The following MCPH1 variants were observed in gnomAD, a reference collection of about 807,000 sequenced individuals.
MCPH1 encodes the protein microcephalin.
A neutral mutation model predicts 84.5 loss-of-function variants in MCPH1; 104 were observed. The observed-to-expected ratio is 1.23, with a 90% CI of 1.05 to 1.45. The LOEUF is 1.45. MCPH1 is among the 40% of genes most tolerant of loss of function. MCPH1 has a pLI of 0.00. For missense variants in MCPH1, 1,498 were observed against 1,005.7 expected (o/e 1.49, Z -6.62); for synonymous variants, 514 against 366.8 (o/e 1.40, Z -4.58).
intron 12 of MCPH1, among the ~76,000 whole-genome samples, chr8:6,519,384 G>A (rs1026858938): frequency 6.6e-6 from 1 of 152,146 alleles, no homozygotes; most frequent in Non-Finnish European, 1.5e-5. Context: ...GTAGCTAACT[G>A]TACAAGTCAC....
chr8:6,520,510 C>G (rs550377859), intron 12 of MCPH1, among the ~76,000 whole-genome samples: 1 of 152,262 alleles, frequency 6.6e-6, no homozygotes, highest in South Asian at 2.1e-4. Flanking sequence ...ATTCTCCTAC[C>G]TCAGCCTCCC....
At position 6,442,131 on chromosome 8, in the gene MCPH1, C is replaced by T. The variant is rs1803607314; in HGVS notation, c.645C>T (p.Asn215=). 2.5e-6 allele frequency: 4 copies of T among 1,611,516 alleles called. No homozygotes were observed. The highest frequency in any genetic ancestry group is 2.7e-5 in the African/African-American group (2 of 74,858). The change falls in exon 7 of 14, where the codon AAC becomes AAT. Residue 215 remains asparagine, a synonymous_variant. Transcript: ENST00000344683. The part of the protein sequence containing the change: ...PSNSLCEAPL[N]ISRDTLCSDE... Reference sequence around the variant, plus strand: ...ACTCTCTGTGTGAAGCACCTTTGAACATTTCACGTGATACTTTGTGTTCAG... The same window carrying T: ...ACTCTCTGTGTGAAGCACCTTTGAATATTTCACGTGATACTTTGTGTTCAG...
chr8:6,505,186 A>G (rs929021651), intron 12 of MCPH1, among the ~76,000 whole-genome samples: 17 of 143,292 alleles, frequency 1.2e-4, no homozygotes, highest in African/African-American at 3.8e-4. Flanking sequence ...ATATATATAT[A>G]TATATTCTTA....
At chr8:6,467,055 C>T (rs1807068659) in intron 9 of MCPH1, among the ~76,000 whole-genome samples, 1 of 152,012 alleles carries the variant, frequency 6.6e-6, no homozygotes, top group African/African-American at 2.4e-5. Context: ...GGGTTAAATA[C>T]AATGACAAAA....
At chr8:6,437,476 G>A (rs561803915) in intron 5 of MCPH1, among the ~76,000 whole-genome samples, 2 of 152,224 alleles carry the variant, frequency 1.3e-5, no homozygotes, top group East Asian at 1.9e-4. Flanking sequence ...TGATCTGCCC[G>A]CTTCAGCCTC....
chr8:6,561,789 A>T (rs894107126), intron 12 of MCPH1, among the ~76,000 whole-genome samples: 7 of 152,210 alleles, frequency 4.6e-5, no homozygotes, highest in Non-Finnish European at 8.8e-5. Flanking sequence ...GTGAAAAAAA[A>T]TTATTTATGA....
At chr8:6,409,088 T>C (rs746535487) in intron 1 of MCPH1, among the ~76,000 whole-genome samples, 191 bp from the exon 2 acceptor site, 1 of 152,114 alleles carries the variant, frequency 6.6e-6, no homozygotes, top group Non-Finnish European at 1.5e-5. Context: ...TTTTTCACCA[T>C]GTTGGCCCGG....
At chr8:6,536,048 C>G (rs962830153) in intron 12 of MCPH1, among the ~76,000 whole-genome samples, 1 of 151,898 alleles carries the variant, frequency 6.6e-6, no homozygotes, top group Non-Finnish European at 1.5e-5. Flanking sequence ...CAGAGTGAGA[C>G]CTTGTCTCAA....
At chr8:6,618,035 G>A (rs574223348) in intron 12 of MCPH1, among the ~76,000 whole-genome samples, 3 of 152,184 alleles carry the variant, frequency 2.0e-5, no homozygotes, top group Admixed American at 2.0e-4. Context: ...GCCTCCCAAA[G>A]TGCTGGGATT....
intron 12 of MCPH1, among the ~76,000 whole-genome samples, chr8:6,610,016 G>A (rs576253064): frequency 2.0e-5 from 3 of 152,254 alleles, no homozygotes; most frequent in East Asian, 3.9e-4. Flanking sequence ...TTATATAAAC[G>A]ATACTCCCAG....
intron 12 of MCPH1, among the ~76,000 whole-genome samples, chr8:6,530,723 G>A (rs1035702475): frequency 1.1e-4 from 17 of 152,056 alleles, no homozygotes; most frequent in Non-Finnish European, 5.9e-5. Flanking sequence ...GAAAGACCTG[G>A]TAGTCAAGTA....
At chr8:6,569,397 C>T (rs1826477787) in intron 12 of MCPH1, among the ~76,000 whole-genome samples, 1 of 152,172 alleles carries the variant, frequency 6.6e-6, no homozygotes, top group Non-Finnish European at 1.5e-5. Context: ...AGTGTTGCTG[C>T]ATCAACCATT....
At chr8:6,611,005 C>G (rs922012644) in intron 12 of MCPH1, among the ~76,000 whole-genome samples, 1 of 152,166 alleles carries the variant, frequency 6.6e-6, no homozygotes, top group Non-Finnish European at 1.5e-5. Flanking sequence ...AGACCCCTCT[C>G]CAGCTGCAAG....
chr8:6,593,031 A>G (rs1339596971), intron 12 of MCPH1, among the ~76,000 whole-genome samples: 1 of 150,830 alleles, frequency 6.6e-6, no homozygotes, highest in Non-Finnish European at 1.5e-5. Flanking sequence ...TGCCTCAGTC[A>G]AATTGCTGCT....
intron 13 of MCPH1, among the ~76,000 whole-genome samples, chr8:6,629,918 ACT>A (rs1256635099): frequency 6.6e-6 from 1 of 151,450 alleles, no homozygotes; most frequent in Non-Finnish European, 1.5e-5. Flanking sequence ...CAAGTGGAAA[ACT>A]CTTTTTTGTT....
At position 6,474,390 on chromosome 8, in the gene MCPH1, G is replaced by T. The variant is rs73661770; in HGVS notation, c.1936-3204G>T. 2,145 of 306,190 alleles carry T rather than the reference G, an allele frequency of 7.0e-3. 47 individuals are homozygous for T. The highest frequency in any genetic ancestry group is 0.044 in the African/African-American group (2,015 of 46,182). The allele number at this position is 306,190 out of a possible 1,614,324, so 19.0% of individuals were successfully genotyped here. A position where few individuals can be genotyped will look rare whatever the true frequency, so the allele number is the denominator to read the frequency against. On this transcript the variant is annotated intron_variant, in intron 9 of 13. Transcript: ENST00000344683. ...GTGACACTTTAGGACTGAACTCAGG[G>T]AGTCTGTGGGGTCAAAACTAATTTC...
intron 3 of MCPH1, among the ~76,000 whole-genome samples, chr8:6,424,737 C>G (rs1044496299): frequency 1.3e-5 from 2 of 152,202 alleles, no homozygotes; most frequent in East Asian, 3.8e-4. Flanking sequence ...TCCAGTAGCT[C>G]CTGAGTTAAC....
In MCPH1 at chr8:6,478,414, A is replaced by G. The variant is rs551658726; in HGVS notation, c.1973+783A>G. On this transcript the variant is annotated intron_variant, in intron 10 of 13. Transcript: ENST00000344683. ...TTCTAAATAGTCTAATACAGAAGCGAATATTGAATATATGTGTAATATTTT... is the reference window on the plus strand; with the variant it reads ...TTCTAAATAGTCTAATACAGAAGCGGATATTGAATATATGTGTAATATTTT... 2.0e-5 allele frequency among the ~76,000 whole-genome samples: 3 copies of G among 152,374 alleles called. No individual in the cohort carries two copies. In the East Asian group the frequency reaches 5.8e-4, roughly 29 times the overall value.
intron 13 of MCPH1, chr8:6,626,473 T>G (rs1832086972): frequency 2.5e-5 from 24 of 946,298 alleles, no homozygotes; most frequent in Non-Finnish European, 3.0e-5. Flanking sequence ...TTTTTTGTTT[T>G]GTTTTTTTTT....
Sources: allele counts gnomAD v4.1 joint callset (sites outside exome capture counted in the v4.1 genomes callset), GRCh38; gene constraint gnomAD v4.1.1; transcripts MANE v1.5; gene names NCBI Gene and HGNC (gene_info 2026-07-23, HGNC 2026-07-21).